Variants in LUZP2 observed in about 807,000 individuals in gnomAD.
LUZP2 encodes the protein leucine zipper protein 2.
LUZP2 carries 52 observed loss-of-function variants against 51.6 expected under a neutral mutation model. The ratio of observed to expected loss-of-function variants is 1.01; its 90% CI spans 0.81 to 1.27. LUZP2 has a LOEUF of 1.27. Ranked by LOEUF, LUZP2 falls within the 50% of genes most tolerant of loss-of-function variation. The pLI is 0.00. For missense variants in LUZP2, 436 were observed against 395.4 expected, an observed-to-expected ratio of 1.10 and a Z score of -0.87; for synonymous variants, 154 against 137.3, an observed-to-expected ratio of 1.12 and a Z score of -0.85.
chr11:24,864,932 A>G lies in LUZP2; in HGVS notation c.397-41059A>G, dbSNP rs371273696. Among the ~76,000 whole-genome samples, 5 of 152,218 alleles carry G rather than the reference A, an allele frequency of 3.3e-5. No individual in the cohort carries two copies. In the South Asian group the frequency reaches 8.3e-4, roughly 25 times the overall value. On this transcript the variant is annotated intron_variant, in intron 5 of 11. Transcript: ENST00000336930. ...AAAAAGTTGATGTTCTCATAATTGT[A>G]GGTTTATTCAGCATCTCACAATTGC...
intron 5 of LUZP2, among the ~76,000 whole-genome samples, chr11:24,795,413 T>A (rs1288883863): frequency 6.6e-6 from 1 of 151,952 alleles, no homozygotes; most frequent in Non-Finnish European, 1.5e-5. Flanking sequence ...GTATGAGAAA[T>A]AAGAAGAAAA....
intron 9 of LUZP2, among the ~76,000 whole-genome samples, chr11:24,991,396 G>GTATATATATATA (rs58483878): frequency 9.6e-5 from 12 of 124,958 alleles, no homozygotes; most frequent in Middle Eastern, 4.5e-3. Context: ...GTGTGTGTGT[G>GTATATATATATA]TATATATATA....
chr11:24,556,016 C>G (rs891662165), intron 1 of LUZP2, among the ~76,000 whole-genome samples: 5 of 152,076 alleles, frequency 3.3e-5, no homozygotes, highest in African/African-American at 1.2e-4. Flanking sequence ...TTCCATTACC[C>G]CCTTTTGATC....
intron 10 of LUZP2, 146 bp downstream of exon 10, chr11:25,050,276 A>G (rs963060697): frequency 3.4e-5 from 10 of 297,614 alleles, no homozygotes; most frequent in African/African-American, 2.2e-4. Flanking sequence ...TAAGAAAGTA[A>G]ATGTTCTTTA....
chr11:24,556,174 C>T (rs1342263032), intron 1 of LUZP2, among the ~76,000 whole-genome samples: 1 of 152,110 alleles, frequency 6.6e-6, no homozygotes, highest in East Asian at 1.9e-4. Context: ...GGATATACTT[C>T]CACCCCTGCC....
chr11:25,050,210 C>A, intron 10 of LUZP2, 80 bp downstream of exon 10: 1 of 616,644 alleles, frequency 1.6e-6, no homozygotes, highest in Non-Finnish European at 2.7e-6. Context: ...TAATTCATGC[C>A]ACCATGAAAC....
chr11:24,530,299 A>G (rs1448564372), intron 1 of LUZP2, among the ~76,000 whole-genome samples: 2 of 150,924 alleles, frequency 1.3e-5, no homozygotes, highest in Admixed American at 1.3e-4. Flanking sequence ...TGACTTGACA[A>G]TTTTTCTGCT....
chr11:24,837,590 C>T (rs1392924071), intron 5 of LUZP2, among the ~76,000 whole-genome samples: 2 of 151,668 alleles, frequency 1.3e-5, no homozygotes, highest in East Asian at 3.9e-4. Context: ...AAACAATCGA[C>T]CTGGAAAACA....
chr11:25,034,231 G>A (rs992987443), intron 9 of LUZP2, among the ~76,000 whole-genome samples: 1 of 151,956 alleles, frequency 6.6e-6, no homozygotes, highest in Non-Finnish European at 1.5e-5. Context: ...ATCTTCTTTT[G>A]AAAAGTGTAT....
intron 5 of LUZP2, among the ~76,000 whole-genome samples, chr11:24,829,448 T>C (rs1447082516): frequency 6.6e-6 from 1 of 152,184 alleles, no homozygotes; most frequent in Non-Finnish European, 1.5e-5. Flanking sequence ...AAATTTAGTA[T>C]TTTGAAATTG....
intron 9 of LUZP2, among the ~76,000 whole-genome samples, chr11:25,012,419 C>T (rs547026018): frequency 3.3e-5 from 5 of 152,166 alleles, no homozygotes; most frequent in African/African-American, 9.7e-5. Flanking sequence ...ATTGGACTTC[C>T]GTCTACATCT....
intron 4 of LUZP2, among the ~76,000 whole-genome samples, chr11:24,745,131 A>G (rs1859329848): frequency 6.6e-6 from 1 of 152,110 alleles, no homozygotes; most frequent in Admixed American, 6.6e-5. Flanking sequence ...GGCCTGTCAT[A>G]TGGTCTATCT....
intron 10 of LUZP2, among the ~76,000 whole-genome samples, chr11:25,072,154 G>A (rs1333988569): frequency 6.6e-6 from 1 of 152,108 alleles, no homozygotes; most frequent in East Asian, 1.9e-4. Context: ...AGATATGCCT[G>A]ATCTCAAAGC....
chr11:24,760,770 A>G (rs1182153899), intron 4 of LUZP2, among the ~76,000 whole-genome samples: 1 of 152,176 alleles, frequency 6.6e-6, no homozygotes, highest in Non-Finnish European at 1.5e-5. Flanking sequence ...GAACTATTGC[A>G]GCTCTTGAAG....
At chr11:24,768,690 G>A (rs150417807) in intron 5 of LUZP2, among the ~76,000 whole-genome samples, 1,837 of 152,162 alleles carry the variant, frequency 0.012, 21 homozygotes, top group Non-Finnish European at 0.018. Context: ...AATGCCAATC[G>A]AAGCTATGAT....
chr11:24,527,637 CT>C (rs1850853934), intron 1 of LUZP2, among the ~76,000 whole-genome samples: 1 of 149,498 alleles, frequency 6.7e-6, no homozygotes, highest in Admixed American at 6.7e-5. Flanking sequence ...TCTTTGTGTT[CT>C]TTCAGTTTCT....
Position 25,014,991 on chromosome 11 carries a change from C to G in LUZP2, c.765+31698C>G, listed in dbSNP as rs543308993. ...TATGGCTAGCCAGTTTCCCCAGCACCCTTTATTAAATAGGGAATCCTTTCC... is the reference window on the plus strand; with the variant it reads ...TATGGCTAGCCAGTTTCCCCAGCACGCTTTATTAAATAGGGAATCCTTTCC... On this transcript the variant is annotated intron_variant, in intron 9 of 11. Coordinates refer to ENST00000336930, the MANE Select transcript of LUZP2 (RefSeq NM_001009909.4). Among the ~76,000 whole-genome samples the G allele has an allele frequency of 2.0e-5, 3 of 152,180 alleles. No individual in the cohort carries two copies. In the South Asian group the frequency reaches 6.2e-4, roughly 32 times the overall value.
intron 1 of LUZP2, among the ~76,000 whole-genome samples, chr11:24,609,132 G>C (rs931450387): frequency 2.6e-5 from 4 of 152,056 alleles, no homozygotes; most frequent in African/African-American, 9.7e-5. Flanking sequence ...GTAGACTACC[G>C]AGGCACTGAC....
chr11:24,894,857 G>A (rs80059317), intron 5 of LUZP2, among the ~76,000 whole-genome samples: 5,889 of 152,128 alleles, frequency 0.039, 367 homozygotes, highest in African/African-American at 0.13. Context: ...AGAATAAATA[G>A]GGAGATCACA....
Sources: gnomAD v4.1 joint callset for allele counts (sites outside exome capture counted in the v4.1 genomes callset) on GRCh38, gnomAD v4.1.1 for gene constraint, MANE v1.5 for transcripts, NCBI Gene and HGNC (gene_info 2026-07-23, HGNC 2026-07-21) for gene names.